MUC12: variants seen among roughly 807,000 people sequenced by gnomAD.
The protein encoded by MUC12 is mucin 12, cell surface associated.
A neutral mutation model predicts 230.8 loss-of-function variants in MUC12; 172 were observed. The observed-to-expected ratio is 0.75, with a 90% confidence interval of 0.66 to 0.85. MUC12 has a LOEUF of 0.85. Ranked by LOEUF, MUC12 falls within the 40% of genes least tolerant of loss-of-function variation. MUC12 has a pLI of 0.00. For missense variants in MUC12, 3,506 were observed against 5,920.6 expected, an observed-to-expected ratio of 0.59 and a Z score of 13.38; for synonymous variants, 1,259 against 2,401.9, an observed-to-expected ratio of 0.52 and a Z score of 13.91.
chr7:101,004,681 C>A lies in MUC12; in HGVS notation c.14118C>A (p.Gly4706=). The A allele has an allele frequency of 6.5e-7, 1 of 1,537,848 alleles. No homozygotes were observed. The part of the protein sequence containing the change: ...TPLPAHFTTS[G]RIAESTTFYI... The stretch of plus-strand genomic sequence containing the variant: ...TACCTGCCCATTTTACTACCTCAGG[C>A]CGCATTGCAGAATCTACCACCTTCT... Residue 4706 remains glycine, a synonymous_variant, in exon 2 of 12, where the codon GGC becomes GGA. Transcript: ENST00000536621.
rs746800189 is a variant in MUC12 at position 100,990,915 on chromosome 7, T to A, written c.352T>A (p.Ser118Thr). The change falls in exon 2 of 12, where the codon TCA becomes ACA. Residue 118 changes from serine to threonine, a missense_variant. Ser to Thr is a moderately conservative substitution (Grantham distance 58, BLOSUM62 1). Coordinates refer to ENST00000536621, the MANE Select transcript of MUC12 (RefSeq NM_001164462.2). The stretch of plus-strand genomic sequence containing the variant: ...TAAAACCTCACCCATCACTTCAGCC[T>A]CAATGGAAACAACAGCGTTACCTGG... ...EPKTSPITSA[S>T]METTALPGST... 1 of 1,537,808 alleles carries A rather than the reference T, an allele frequency of 6.5e-7. No individual in the cohort carries two copies. Among genetic ancestry groups the A allele is most frequent in the South Asian group, 1.2e-5 (1 of 84,054 alleles).
At chr7:101,016,519 T>C (rs916814628) in intron 10 of MUC12, among the ~76,000 whole-genome samples, 6 of 152,172 alleles carry the variant, frequency 3.9e-5, no homozygotes, top group African/African-American at 1.2e-4. Flanking sequence ...TTCATCATGT[T>C]GGCCAGGCTG....
At chr7:100,985,849 C>T (rs1470732809) in intron 1 of MUC12, among the ~76,000 whole-genome samples, 4 of 152,038 alleles carry the variant, frequency 2.6e-5, no homozygotes, top group Non-Finnish European at 4.4e-5. Flanking sequence ...TGGGAAGGAA[C>T]GCCTGCGTGA....
rs377544222 is a variant in MUC12, at chr7:100,991,986, A to C, written c.1423A>C (p.Met475Leu). The change falls in exon 2 of 12, where the codon ATG (methionine) becomes CTG (leucine). Residue 475 changes from methionine to leucine, a missense_variant. Met to Leu is a conservative substitution (Grantham distance 15). Transcript: ENST00000536621. ...GCCCTCACCCATCAGTTCAGGCTCA[A>C]TGGAAACCACAGCGTTACCCGGCAG... ...STPSPISSGS[M>L]ETTALPGSTT... is the part of the protein sequence containing the mutation. The C allele has an allele frequency of 9.6e-5, 148 of 1,537,850 alleles. No individual in the cohort carries two copies. The highest frequency in any genetic ancestry group is 1.2e-4 in the Non-Finnish European group (132 of 1,147,074).
At chr7:101,012,145 G>T (rs563071837) in intron 5 of MUC12, 151 bp from the exon 6 acceptor site, 125 of 727,962 alleles carry the variant, frequency 1.7e-4, no homozygotes, top group Non-Finnish European at 2.4e-4. Flanking sequence ...CCTCTGTCTG[G>T]GTGGTTAGCT....
intron 1 of MUC12, among the ~76,000 whole-genome samples, chr7:100,970,086 A>G (rs1286011861): frequency 1.3e-5 from 2 of 152,416 alleles, no homozygotes; most frequent in African/African-American, 2.4e-5. Context: ...GGCACTGCAC[A>G]TGCTGCTAGC....
intron 1 of MUC12, among the ~76,000 whole-genome samples, chr7:100,987,995 A>G (rs1793220222): frequency 6.7e-6 from 1 of 149,524 alleles, no homozygotes; most frequent in Non-Finnish European, 1.5e-5. Flanking sequence ...AAAAGAAAAG[A>G]AAAAAAAGAA....
At chr7:100,976,583 G>A (rs956612545) in intron 1 of MUC12, among the ~76,000 whole-genome samples, 55 of 145,484 alleles carry the variant, frequency 3.8e-4, no homozygotes, top group Admixed American at 2.2e-4. Context: ...CAGCCTGGGC[G>A]ACAGAGCGAG....
At chr7:101,015,288 C>T in intron 9 of MUC12, 1 of 315,058 alleles carries the variant, frequency 3.2e-6, no homozygotes, top group African/African-American at 2.1e-5. Flanking sequence ...GGATAAGATG[C>T]ACCTGTGAAG....
chr7:101,008,447 A>G (rs887539047), intron 3 of MUC12, among the ~76,000 whole-genome samples, 187 bp from the exon 4 acceptor site: 6 of 152,026 alleles, frequency 3.9e-5, no homozygotes, highest in Non-Finnish European at 7.4e-5. Context: ...GGGCTTCTGT[A>G]CTTAGTTCTG....
rs564180911 is a variant in MUC12, at chr7:100,995,722, C to G, written c.5159C>G (p.Pro1720Arg). ...VELSTTSHGS[P>R]SSTPTTHFSA... ...CTATCTACAACCTCCCACGGCAGCC[C>G]GAGCTCAACTCCAACAACCCACTTT... Residue 1720 changes from proline to arginine, a missense_variant, in exon 2 of 12, where the codon CCG becomes CGG. Transcript: ENST00000536621. 2.9e-5 allele frequency: 45 copies of G among 1,536,164 alleles called. No individual in the cohort carries two copies. The African/African-American group carries it at 4.8e-4, about 17-fold the overall frequency.
rs948813063 is a variant in MUC12, at chr7:100,995,584, T to C, written c.5021T>C (p.Leu1674Pro). 3.3e-6 allele frequency: 5 copies of C among 1,536,152 alleles called. 1 individual carries two copies. The African/African-American group carries it at 5.6e-5, about 17-fold the overall frequency. Reference protein sequence around the residue: ...HSSTGSPHTTLSPAGSTTRQG... With the variant: ...HSSTGSPHTTPSPAGSTTRQG... ...AGCACTGGATCGCCACACACAACAC[T>C]GTCCCCTGCCGGCTCTACAACACGT... The change falls in exon 2 of 12, where the codon CTG becomes CCG. Residue 1674 changes from leucine (L) to proline (P), a missense_variant. Coordinates refer to ENST00000536621, the MANE Select transcript of MUC12 (RefSeq NM_001164462.2).
In MUC12 at chr7:101,002,913, C is replaced by A. The variant is rs1212525472; in HGVS notation, c.12350C>A (p.Thr4117Lys). The A allele has an allele frequency of 6.7e-5, 83 of 1,235,972 alleles. No individual in the cohort carries two copies. Among genetic ancestry groups the A allele is most frequent in the Non-Finnish European group, 8.9e-5 (80 of 898,668 alleles). The allele number at this position is 1,235,972 out of a possible 1,614,324, so 76.6% of individuals were successfully genotyped here. A position where few individuals can be genotyped will look rare whatever the true frequency, so the allele number is the denominator to read the frequency against. ...YHSRPSSTPT[T>K]HFSASSTTLG... ...AGCCGCCCGAGCTCAACTCCAACAA[C>A]ACACTTTTCTGCCAGTTCCACAACC... The change falls in exon 2 of 12, where the codon ACA becomes AAA. Residue 4117 changes from threonine (T) to lysine (K), a missense_variant. Physicochemically the swap from Thr to Lys is moderately conservative, Grantham distance 78. Transcript: ENST00000536621.
chr7:100,991,591 C>A lies in MUC12; in HGVS notation c.1028C>A (p.Thr343Lys), dbSNP rs1469248244. The change falls in exon 2 of 12, where the codon ACA (threonine) becomes AAA (lysine). Residue 343 changes from threonine (T) to lysine (K), a missense_variant. By Grantham distance (78) the Thr-to-Lys change is moderately conservative. Transcript: ENST00000536621. Reference protein sequence around the residue: ...VHSSPVATATTPPPARSATSG... With the variant: ...VHSSPVATATKPPPARSATSG... The stretch of plus-strand genomic sequence containing the variant: ...AGCAGCCCAGTTGCAACTGCAACAA[C>A]ACCCCCACCTGCCCGCTCCGCGACC... The A allele has an allele frequency of 6.5e-7, 1 of 1,537,072 alleles. No homozygotes were observed. Among genetic ancestry groups the A allele is most frequent in the East Asian group, 2.4e-5 (1 of 40,888 alleles).
At chr7:100,983,779 A>T (rs561916564) in intron 1 of MUC12, among the ~76,000 whole-genome samples, 16 of 152,330 alleles carry the variant, frequency 1.1e-4, no homozygotes, top group African/African-American at 3.6e-4. Context: ...ATAACCATAA[A>T]CGTCCTTTAT....
In MUC12 at chr7:101,012,307, T is replaced by C. The variant is rs1337238882; in HGVS notation, c.15263T>C (p.Ile5088Thr). 6.5e-6 allele frequency: 10 copies of C among 1,537,024 alleles called. No individual in the cohort carries two copies. The highest frequency in any genetic ancestry group is 8.7e-6 in the Non-Finnish European group (10 of 1,146,906). The change falls in exon 6 of 12, where the codon ATC (isoleucine) becomes ACC (threonine). Residue 5088 changes from isoleucine to threonine, a missense_variant. Coordinates refer to ENST00000536621, the MANE Select transcript of MUC12 (RefSeq NM_001164462.2). ...ATTCCCACTTCCAGCAACGGTAGCA[T>C]CGTGGTCAAGAACGATGTCATCCTG... ...VNIRRLLNGS[I>T]VVKNDVILEA...
At position 100,992,229 on chromosome 7, in the gene MUC12, C is replaced by T. The variant is rs1403223349; in HGVS notation, c.1666C>T (p.Pro556Ser). Residue 556 changes from proline (P) to serine (S), a missense_variant, in exon 2 of 12, where the codon CCA becomes TCA. Pro to Ser is a moderately conservative substitution (Grantham distance 74). Transcript: ENST00000536621. ...GGAATCTACAGCTTCCCACAGCAGC[C>T]CAGGCCCCACAGACACAACATTGTC... Reference protein sequence around the residue: ...SQESTASHSSPGPTDTTLSPG... With the variant: ...SQESTASHSSSGPTDTTLSPG... 2 of 1,537,116 alleles carry T rather than the reference C, an allele frequency of 1.3e-6. No individual in the cohort carries two copies. Among genetic ancestry groups the T allele is most frequent in the Admixed American group, 2.0e-5 (1 of 50,960 alleles).
At position 100,993,032 on chromosome 7, in the gene MUC12, T is replaced by C. The variant is rs1394779470; in HGVS notation, c.2469T>C (p.Ser823=). Residue 823 remains serine, a synonymous_variant, in exon 2 of 12, where the codon TCT becomes TCC. Transcript: ENST00000536621. ...STTTPGLSER[S]TTFHSSPRSP... is the part of the protein sequence containing the mutation. ...CAACGCCAGGCCTCAGTGAGAGATC[T>C]ACCACTTTCCATAGTAGCCCCAGAT... is the stretch of plus-strand genomic sequence containing the variant. The C allele has an allele frequency of 1.4e-5, 22 of 1,536,654 alleles. No individual in the cohort carries two copies. Among genetic ancestry groups the C allele is most frequent in the African/African-American group, 1.4e-4 (10 of 72,050 alleles).
At chr7:101,006,897 C>T (rs561253087) in intron 3 of MUC12, among the ~76,000 whole-genome samples, 6 of 152,286 alleles carry the variant, frequency 3.9e-5, no homozygotes, top group Admixed American at 1.3e-4. Context: ...ATGGGGTACA[C>T]ATTCCCTCAA....
Sources: gnomAD v4.1 joint callset for allele counts (sites outside exome capture counted in the v4.1 genomes callset) on GRCh38, gnomAD v4.1.1 for gene constraint, MANE v1.5 for transcripts, NCBI Gene and HGNC (gene_info 2026-07-23, HGNC 2026-07-21) for gene names.